Variants in ADGRB2 observed in about 807,000 individuals in gnomAD.
ADGRB2 encodes the protein brain-specific angiogenesis inhibitor 2.
A neutral mutation model predicts 178.7 loss-of-function variants in ADGRB2; 47 were observed. That is an observed-to-expected ratio of 0.26 (90% CI 0.21 to 0.34). The LOEUF (loss-of-function observed/expected upper bound fraction) is 0.34, where lower values mean the gene tolerates loss of function less well. Ranked by LOEUF, ADGRB2 falls within the 10% of genes least tolerant of loss-of-function variation. ADGRB2 has a pLI of 1.00. For synonymous variants in ADGRB2, 870 were observed against 912.4 expected (o/e 0.95, Z 0.84); for missense variants, 1,584 against 2,180.8 (o/e 0.73, Z 5.45).
At chr1:31,747,351 C>T (rs904407974) in intron 4 of ADGRB2, among the ~76,000 whole-genome samples, 3 of 152,130 alleles carry the variant, frequency 2.0e-5, no homozygotes, top group Admixed American at 1.3e-4. Context: ...CAGGCCCTGC[C>T]TCTCCTGTGC....
In ADGRB2 at chr1:31,756,061, G is replaced by C. The variant is rs776320811; in HGVS notation, c.776C>G (p.Pro259Arg). ...NALVPGGPAP[P>R]AEADLHSGSS... Reference sequence around the variant, plus strand: ...CCCCGAGTGCAAATCGGCCTCAGCAGGTGGGGCTGGGCCCCCGGGCACCAG... The same window carrying C: ...CCCCGAGTGCAAATCGGCCTCAGCACGTGGGGCTGGGCCCCCGGGCACCAG... The change falls in exon 4 of 33, where the codon CCT becomes CGT. Residue 259 changes from proline to arginine, a missense_variant. Coordinates refer to ENST00000373658, the MANE Select transcript of ADGRB2 (RefSeq NM_001364857.2). The surrounding 1 kb of genome is among the most constrained non-coding windows in gnomAD (Gnocchi z 8.5). 6.2e-7 allele frequency: 1 copy of C among 1,614,076 alleles called. No homozygotes were observed. Among genetic ancestry groups the C allele is most frequent in the South Asian group, 1.1e-5 (1 of 91,074 alleles).
chr1:31,737,382 C>A, intron 20 of ADGRB2, 47 bp downstream of exon 20: 1 of 1,541,454 alleles, frequency 6.5e-7, no homozygotes, highest in South Asian at 1.1e-5. Flanking sequence ...CACCCTCACC[C>A]CTCCACCCCA....
chr1:31,739,087 A>T, intron 15 of ADGRB2, 150 bp from the exon 16 acceptor site: 2 of 834,496 alleles, frequency 2.4e-6, no homozygotes, highest in Non-Finnish European at 3.7e-6. Flanking sequence ...ACTTCAGGTG[A>T]GGTCTAGAGC....
Position 31,730,828 on chromosome 1 carries a change from C to T in ADGRB2, c.4352G>A (p.Gly1451Asp). ...CAGGGAGCCCATCTTCATGGTAGAGCCGGGCACGGTGCGAGGCATGGTCCG... is the reference window on the plus strand; with the variant it reads ...CAGGGAGCCCATCTTCATGGTAGAGTCGGGCACGGTGCGAGGCATGGTCCG... ...RSRTMPRTVPGSTMKMGSLER... is the reference protein window; with the variant it reads ...RSRTMPRTVPDSTMKMGSLER... The change falls in exon 29 of 33, where the codon GGC becomes GAC. Residue 1451 changes from glycine (G) to aspartate (D), a missense_variant. Gly to Asp is a moderately conservative substitution (Grantham distance 94). This residue lies in a region of ADGRB2 where 865 missense variants were observed against 1,192.8 expected (regional missense o/e 0.73). Transcript: ENST00000373658. 1 of 1,515,650 alleles carries T rather than the reference C, an allele frequency of 6.6e-7. No homozygotes were observed. Among genetic ancestry groups the T allele is most frequent in the East Asian group, 2.3e-5 (1 of 43,764 alleles). The allele number at this position is 1,515,650 out of a possible 1,614,324, so 93.9% of individuals were successfully genotyped here.
intron 1 of ADGRB2, 50 bp downstream of exon 1, chr1:31,763,834 C>T: frequency 1.0e-6 from 1 of 984,886 alleles, no homozygotes; most frequent in Non-Finnish European, 1.2e-6. Flanking sequence ...GGGACCGCGC[C>T]GGCAGGGCTC....
At position 31,735,615 on chromosome 1, in the gene ADGRB2, A is replaced by T. The variant is rs1338137423; in HGVS notation, c.3318T>A (p.Asp1106Glu). The change falls in exon 24 of 33, where the codon GAT becomes GAA. Residue 1106 changes from aspartate (D) to glutamate (E), a missense_variant. Around this residue, in one of 3 missense-constraint regions of ADGRB2, gnomAD observed 865 missense variants for 1,192.8 expected, o/e 0.73. Coordinates refer to ENST00000373658, the MANE Select transcript of ADGRB2 (RefSeq NM_001364857.2). The surrounding 1 kb of genome is among the most constrained non-coding windows in gnomAD (Gnocchi z 6.0). ...GCTTCTTGGATTTGTCGGAGATGCCATCACGTGCCATGAGCTTGTTGAAGA... is the reference window on the plus strand; with the variant it reads ...GCTTCTTGGATTTGTCGGAGATGCCTTCACGTGCCATGAGCTTGTTGAAGA... ...IIVFNKLMARDGISDKSKKQR... is the reference protein window; with the variant it reads ...IIVFNKLMAREGISDKSKKQR... 3 of 1,613,430 alleles carry T rather than the reference A, an allele frequency of 1.9e-6. No homozygotes were observed. Among genetic ancestry groups the T allele is most frequent in the Non-Finnish European group, 2.5e-6 (3 of 1,179,664 alleles).
chr1:31,741,636 G>A lies in ADGRB2; in HGVS notation c.1675C>T (p.Pro559Ser), dbSNP rs775608742. Residue 559 changes from proline (P) to serine (S), a missense_variant, in exon 10 of 33, where the codon CCG becomes TCG. This residue lies in a region of ADGRB2 where 657 missense variants were observed against 847.6 expected (regional missense o/e 0.78). Coordinates refer to ENST00000373658, the MANE Select transcript of ADGRB2 (RefSeq NM_001364857.2). The surrounding 1 kb of genome is among the most constrained non-coding windows in gnomAD (Gnocchi z 6.5). ...ACCTGCCCCTTACCTGAGGCATTCG[G>A]GGGGCACTTGTTGTAGATGATCTCG... The part of the protein sequence containing the change: ...AGEIIYNKCP[P>S]NASGSASRRC... 1.3e-5 allele frequency: 21 copies of A among 1,613,772 alleles called. No individual in the cohort carries two copies. The highest frequency in any genetic ancestry group is 2.7e-5 in the African/African-American group (2 of 74,906).
At position 31,741,354 on chromosome 1, in the gene ADGRB2, C is replaced by T; in HGVS notation, c.1794+19G>A. ...TGAGACAGATTCTGCTGTGCCCCAGCCCAGCAGGGTGCACTCACTGACAGA... is the reference window on the plus strand; with the variant it reads ...TGAGACAGATTCTGCTGTGCCCCAGTCCAGCAGGGTGCACTCACTGACAGA... On this transcript the variant is annotated intron_variant, in intron 11 of 32. Coordinates refer to ENST00000373658, the MANE Select transcript of ADGRB2 (RefSeq NM_001364857.2). The surrounding 1 kb of genome is among the most constrained non-coding windows in gnomAD (Gnocchi z 6.5). The T allele has an allele frequency of 1.3e-6, 2 of 1,582,302 alleles. No homozygotes were observed. Among genetic ancestry groups the T allele is most frequent in the Non-Finnish European group, 1.7e-6 (2 of 1,163,080 alleles).
intron 4 of ADGRB2, among the ~76,000 whole-genome samples, chr1:31,746,110 C>T (rs1646257969): frequency 6.6e-6 from 1 of 152,164 alleles, no homozygotes. Context: ...GGGCATGTCT[C>T]TTCACCTCTC....
Position 31,732,158 on chromosome 1 carries a change from T to G in ADGRB2, c.3721-4A>C. The stretch of plus-strand genomic sequence containing the variant: ...CCACATCCTTTTCAAAGTCTGACTA[T>G]AGGCAGAAAGGGAGGGGCAGGTGGG... On this transcript the variant is annotated splice_polypyrimidine_tract_variant and splice_region_variant and intron_variant, in intron 27 of 32. Transcript: ENST00000373658. 6.2e-7 allele frequency: 1 copy of G among 1,614,036 alleles called. No homozygotes were observed. The highest frequency in any genetic ancestry group is 8.5e-7 in the Non-Finnish European group (1 of 1,179,948).
chr1:31,761,531 T>C lies in ADGRB2; in HGVS notation c.-191+2353A>G, dbSNP rs1364645533. Reference sequence around the variant, plus strand: ...TCTCCCACCTCTGCAGCCTCTACACTTGAACCAAGACCCCAGAGACCATGG... The same window carrying C: ...TCTCCCACCTCTGCAGCCTCTACACCTGAACCAAGACCCCAGAGACCATGG... On this transcript the variant is annotated intron_variant, in intron 1 of 32. Coordinates refer to ENST00000373658, the MANE Select transcript of ADGRB2 (RefSeq NM_001364857.2). This position sits in a 1 kb window ranked among gnomAD's most constrained non-coding sequence, Gnocchi z 4.2. 6.6e-6 allele frequency among the ~76,000 whole-genome samples: 1 copy of C among 152,184 alleles called. No homozygotes were observed. Among genetic ancestry groups the C allele is most frequent in the Non-Finnish European group, 1.5e-5 (1 of 68,028 alleles).
chr1:31,728,952 C>T lies in ADGRB2; in HGVS notation c.4381-319G>A, dbSNP rs141242901. 7.9e-4 allele frequency among the ~76,000 whole-genome samples: 120 copies of T among 152,236 alleles called. 1 individual carries two copies. In the East Asian group the frequency reaches 0.021, roughly 26 times the overall value. On this transcript the variant is annotated intron_variant, in intron 29 of 32. Coordinates refer to ENST00000373658, the MANE Select transcript of ADGRB2 (RefSeq NM_001364857.2). This position sits in a 1 kb window ranked among gnomAD's most constrained non-coding sequence, Gnocchi z 6.7. ...GCCCTAGAGCCCACCCTGCATCCTT[C>T]CCCATCTTGCCCCATTCTCTCTGCC...
Position 31,727,897 on chromosome 1 carries a change from G to C in ADGRB2, c.4572+128C>G, listed in dbSNP as rs1326106870. ...CCTTCCCCACCCCCAGGCGGCCCCAGACTGTTGCCCATGCCGTGGGGGAGG... is the reference window on the plus strand; with the variant it reads ...CCTTCCCCACCCCCAGGCGGCCCCACACTGTTGCCCATGCCGTGGGGGAGG... On this transcript the variant is annotated intron_variant, in intron 32 of 32. Coordinates refer to ENST00000373658, the MANE Select transcript of ADGRB2 (RefSeq NM_001364857.2). This position sits in a 1 kb window ranked among gnomAD's most constrained non-coding sequence, Gnocchi z 4.4. The C allele has an allele frequency of 3.1e-6, 4 of 1,277,840 alleles. No individual in the cohort carries two copies. The highest frequency in any genetic ancestry group is 4.2e-6 in the Non-Finnish European group (4 of 947,658). The allele number at this position is 1,277,840 out of a possible 1,614,324, so 79.2% of individuals were successfully genotyped here.
rs181781358 is a variant in ADGRB2 at position 31,757,979 on chromosome 1, G to A, written c.-190-468C>T. 2.4e-3 allele frequency among the ~76,000 whole-genome samples: 373 copies of A among 152,306 alleles called. 1 individual carries two copies. Among genetic ancestry groups the A allele is most frequent in the African/African-American group, 8.2e-3 (341 of 41,538 alleles). ...AGAGCAGTCAGGCCAGAGTGGGTAA[G>A]GGCTGAGGATGGGGGGAGCTGCAGG... On this transcript the variant is annotated intron_variant, in intron 1 of 32. Transcript: ENST00000373658.
intron 26 of ADGRB2, 75 bp downstream of exon 26, chr1:31,732,897 G>C: frequency 6.7e-7 from 1 of 1,501,750 alleles, no homozygotes; most frequent in Non-Finnish European, 8.9e-7. Flanking sequence ...GATCCTCCCG[G>C]TCTGCACAGT....
Position 31,756,915 on chromosome 1 carries a change from C to T in ADGRB2, c.22-100G>A. The T allele has an allele frequency of 7.8e-7, 1 of 1,276,640 alleles. No homozygotes were observed. Among genetic ancestry groups the T allele is most frequent in the South Asian group, 1.6e-5 (1 of 62,880 alleles). 79.1% of individuals were successfully genotyped at this position (1,276,640 alleles called of 1,614,324 possible). ...GGGAGTGGGCCTCATAAGTTAAGACCCTGGTCTTTGAAGTGTCACCTGGGT... is the reference window on the plus strand; with the variant it reads ...GGGAGTGGGCCTCATAAGTTAAGACTCTGGTCTTTGAAGTGTCACCTGGGT... On this transcript the variant is annotated intron_variant, in intron 3 of 32. Transcript: ENST00000373658. The surrounding 1 kb of genome is among the most constrained non-coding windows in gnomAD (Gnocchi z 8.5).
rs1645844177 is a variant in ADGRB2, at chr1:31,739,941, C to T, written c.2152G>A (p.Val718Ile). 1 of 1,614,008 alleles carries T rather than the reference C, an allele frequency of 6.2e-7. No individual in the cohort carries two copies. The highest frequency in any genetic ancestry group is 1.1e-5 in the South Asian group (1 of 91,076). The change falls in exon 14 of 33, where the codon GTC (valine) becomes ATC (isoleucine). Residue 718 changes from valine (V) to isoleucine (I), a missense_variant. Physicochemically the swap from Val to Ile is conservative, Grantham distance 29. This residue lies in a region of ADGRB2 where 865 missense variants were observed against 1,192.8 expected (regional missense o/e 0.73). Transcript: ENST00000373658. ...CTCCTTCTACCTAGATTATCTGTGA[C>T]AATCAGAGAGCTCTGGAAGGCCTTG... ...ALKAFQSSLIVTDNLVISIQR... is the reference protein window; with the variant it reads ...ALKAFQSSLIITDNLVISIQR...
At chr1:31,746,915 T>G (rs1312322948) in intron 4 of ADGRB2, among the ~76,000 whole-genome samples, 1 of 152,176 alleles carries the variant, frequency 6.6e-6, no homozygotes, top group Non-Finnish European at 1.5e-5. Context: ...TGACCCTCTG[T>G]TTCCCTCCTC....
chr1:31,741,828 C>T lies in ADGRB2; in HGVS notation c.1557G>A (p.Val519=). The change falls in exon 9 of 33, where the codon GTG becomes GTA. Residue 519 remains valine (V), a synonymous_variant. Transcript: ENST00000373658. This position sits in a 1 kb window ranked among gnomAD's most constrained non-coding sequence, Gnocchi z 6.5. ...GACACCTCTTCTCACTACAAGGCTTCACCTCCTCTCCGGTGCCCTCGCAGG... is the reference window on the plus strand; with the variant it reads ...GACACCTCTTCTCACTACAAGGCTTTACCTCCTCTCCGGTGCCCTCGCAGG... ...GYPCEGTGEE[V]KPCSEKRCPA... is the part of the protein sequence containing the mutation. 6.3e-7 allele frequency: 1 copy of T among 1,599,168 alleles called. No homozygotes were observed. Among genetic ancestry groups the T allele is most frequent in the Non-Finnish European group, 8.5e-7 (1 of 1,170,366 alleles).
Sources: gnomAD v4.1 joint callset for allele counts (sites outside exome capture counted in the v4.1 genomes callset) on GRCh38, gnomAD v4.1.1 for gene constraint, gnomAD v4.1.1 regional missense constraint, Gnocchi (gnomAD v3.1) non-coding constraint, MANE v1.5 for transcripts, NCBI Gene and HGNC (gene_info 2026-07-23, HGNC 2026-07-21) for gene names.